Variants in VCL observed in about 807,000 individuals in gnomAD.
The protein encoded by VCL is vinculin, also known as epididymis luminal protein 114.
VCL carries 47 observed loss-of-function variants against 125.7 expected under a neutral mutation model. That is an observed-to-expected ratio of 0.37 (90% confidence interval 0.30 to 0.48). The LOEUF (loss-of-function observed/expected upper bound fraction) is 0.48. Among genes scored for constraint, VCL ranks in the 20% least tolerant of loss-of-function variants. The probability of loss-of-function intolerance (pLI) is 0.99; values close to 1 mark genes in which losing one functional copy is unlikely to be tolerated. For missense variants in VCL, 1,069 were observed against 1,455.5 expected (o/e 0.73, Z 4.32); for synonymous variants, 458 against 514.6 (o/e 0.89, Z 1.49).
chr10:74,095,500 G>A (rs1839954043), intron 11 of VCL, among the ~76,000 whole-genome samples, 156 bp from the exon 12 acceptor site: 1 of 152,114 alleles, frequency 6.6e-6, no homozygotes, highest in Non-Finnish European at 1.5e-5. Flanking sequence ...GTGGTGGGAG[G>A]GATTGCTTGA....
intron 2 of VCL, among the ~76,000 whole-genome samples, chr10:74,057,269 T>G (rs1439956746): frequency 6.6e-6 from 1 of 152,066 alleles, no homozygotes; most frequent in Non-Finnish European, 1.5e-5. Context: ...TAAAAAAAAA[T>G]TATATGTATA....
chr10:74,047,653 G>T (rs1299324391), intron 2 of VCL, among the ~76,000 whole-genome samples: 1 of 152,164 alleles, frequency 6.6e-6, no homozygotes, highest in Admixed American at 6.5e-5. Context: ...AAGATGTCAA[G>T]GCTAGAGAAA....
At chr10:74,113,512 T>C (rs2131938925) in intron 19 of VCL, among the ~76,000 whole-genome samples, 1 of 152,268 alleles carries the variant, frequency 6.6e-6, no homozygotes, top group Non-Finnish European at 1.5e-5. Flanking sequence ...AACATGTTCG[T>C]TCAGGCTGAC....
chr10:74,092,319 G>A (rs933883872), intron 10 of VCL, among the ~76,000 whole-genome samples: 3 of 152,168 alleles, frequency 2.0e-5, no homozygotes, highest in Non-Finnish European at 2.9e-5. Context: ...TTTTTATAAT[G>A]GTTAGAATTT....
chr10:74,078,805 A>G (rs1237886833), intron 6 of VCL, among the ~76,000 whole-genome samples: 1 of 152,132 alleles, frequency 6.6e-6, no homozygotes, highest in Non-Finnish European at 1.5e-5. Context: ...ACTTTCCAGA[A>G]ACATCTTAAA....
intron 15 of VCL, 127 bp from the exon 16 acceptor site, chr10:74,104,924 G>A: frequency 9.4e-7 from 1 of 1,062,480 alleles, no homozygotes; most frequent in Non-Finnish European, 1.4e-6. Context: ...TATGTAGGAA[G>A]AGTTTGAGCT....
At chr10:74,042,733 T>C (rs1841118083) in intron 1 of VCL, among the ~76,000 whole-genome samples, 1 of 152,222 alleles carries the variant, frequency 6.6e-6, no homozygotes, top group South Asian at 2.1e-4. Context: ...TTGATTCATG[T>C]ACTTCATGTA....
chr10:74,010,660 C>A (rs527237076), intron 1 of VCL, among the ~76,000 whole-genome samples: 2 of 150,450 alleles, frequency 1.3e-5, no homozygotes, highest in East Asian at 1.9e-4. Context: ...AAAAAAAAAA[C>A]AAACAAAAAC....
intron 2 of VCL, among the ~76,000 whole-genome samples, chr10:74,051,311 A>G (rs981639997): frequency 1.3e-5 from 2 of 150,150 alleles, no homozygotes; most frequent in African/African-American, 2.5e-5. Flanking sequence ...ATCTCGGCTC[A>G]CTGCAACCGC....
intron 16 of VCL, 123 bp from the exon 17 acceptor site, chr10:74,107,107 C>A: frequency 1.3e-6 from 2 of 1,508,130 alleles, no homozygotes; most frequent in Non-Finnish European, 1.8e-6. Flanking sequence ...TCAATCACTG[C>A]CCGTGATATT....
intron 1 of VCL, among the ~76,000 whole-genome samples, chr10:74,015,479 G>A (rs1316943060): frequency 1.3e-5 from 2 of 152,060 alleles, no homozygotes; most frequent in Non-Finnish European, 2.9e-5. Context: ...GCTGGAATGC[G>A]GGAGGTGGAG....
At chr10:74,070,194 G>T (rs909873930) in intron 2 of VCL, among the ~76,000 whole-genome samples, 2 of 151,992 alleles carry the variant, frequency 1.3e-5, no homozygotes, top group Non-Finnish European at 2.9e-5. Context: ...TTTATTTCCA[G>T]ATGTTAGATC....
intron 19 of VCL, 68 bp downstream of exon 19, chr10:74,112,180 T>G: frequency 6.4e-7 from 1 of 1,572,682 alleles, no homozygotes; most frequent in South Asian, 1.1e-5. Context: ...CTTGACACAT[T>G]GCATCACTCA....
chr10:74,100,157 C>T (rs1840028837), intron 13 of VCL, among the ~76,000 whole-genome samples: 1 of 152,214 alleles, frequency 6.6e-6, no homozygotes, highest in African/African-American at 2.4e-5. Flanking sequence ...TTCTCCAAAG[C>T]TTATCTTCTA....
At chr10:74,062,687 T>TCC (rs1331543105) in intron 2 of VCL, among the ~76,000 whole-genome samples, 1 of 152,090 alleles carries the variant, frequency 6.6e-6, no homozygotes, top group Non-Finnish European at 1.5e-5. Context: ...TGGGCTCAAG[T>TCC]GATTCTCCCA....
chr10:74,092,763 A>G (rs1046270310), intron 10 of VCL, among the ~76,000 whole-genome samples: 1 of 152,202 alleles, frequency 6.6e-6, no homozygotes, highest in Non-Finnish European at 1.5e-5. Flanking sequence ...TTAAAAATGC[A>G]GACCCCTTGA....
chr10:74,045,691 A>G (rs1405914430), intron 2 of VCL, among the ~76,000 whole-genome samples: 1 of 151,828 alleles, frequency 6.6e-6, no homozygotes, highest in Non-Finnish European at 1.5e-5. Flanking sequence ...GCCTATTTAT[A>G]TGGTAAAAAG....
In VCL at chr10:74,114,434, T is replaced by TGTGTGTGTGTGTGC. The variant is rs138018528; in HGVS notation, c.3153+50_3153+51insTGTGTGTGTGCGTG. ...GTGTGTGTGTGTGTGTGTGTGTGTG[T>TGTGTGTGTGTGTGC]GTGCGTGTGTGTGTGTGTTGGAGGG... On this transcript the variant is annotated intron_variant, in intron 20 of 21. Coordinates refer to ENST00000211998, the MANE Select transcript of VCL (RefSeq NM_014000.3). 99 of 1,468,566 alleles carry TGTGTGTGTGTGTGC rather than the reference T, an allele frequency of 6.7e-5. 2 individuals carry two copies. The African/African-American group carries it at 1.3e-3, about 19-fold the overall frequency. 91.0% of individuals were successfully genotyped at this position (1,468,566 alleles called of 1,614,324 possible). A position where few individuals can be genotyped will look rare whatever the true frequency, so the allele number is the denominator to read the frequency against.
chr10:74,049,437 A>G (rs1430440966), intron 2 of VCL, among the ~76,000 whole-genome samples: 3 of 152,344 alleles, frequency 2.0e-5, no homozygotes, highest in Admixed American at 1.3e-4. Context: ...GACGTTTCCA[A>G]TTAAAGAGCT....
Sources: gnomAD v4.1 joint callset for allele counts (sites outside exome capture counted in the v4.1 genomes callset) on GRCh38, gnomAD v4.1.1 for gene constraint, MANE v1.5 for transcripts, NCBI Gene and HGNC (gene_info 2026-07-23, HGNC 2026-07-21) for gene names.